The following RAPGEF6 variants were observed in gnomAD, a reference collection of about 807,000 sequenced individuals.
RAPGEF6 encodes the protein PDZ domain containing guanine nucleotide exchange factor (GEF) 2.
In RAPGEF6, 56 loss-of-function variants were observed where a neutral mutation model predicts 171.4. That is an observed-to-expected ratio of 0.33 (90% CI 0.26 to 0.41). The LOEUF (loss-of-function observed/expected upper bound fraction) is 0.41. RAPGEF6 is among the 10% of genes least tolerant of loss of function. RAPGEF6 has a pLI of 1.00. For synonymous variants in RAPGEF6, 692 were observed against 650.1 expected, an observed-to-expected ratio of 1.06 and a Z score of -0.98; for missense variants, 1,674 against 1,921.4, an observed-to-expected ratio of 0.87 and a Z score of 2.41.
intron 20 of RAPGEF6, 75 bp from the exon 21 acceptor site, chr5:131,453,252 T>A: frequency 1.3e-6 from 2 of 1,487,982 alleles, no homozygotes. Context: ...AAGCTGGTAA[T>A]CTTGAGGGGC....
rs1398993994 is a variant in RAPGEF6 at position 131,547,941 on chromosome 5, CACAT to C, written c.495+102_495+105del. ...TATATATTTACCTGCCCCAAATTTT[CACAT>C]ACAGAGCCCAGCATGTTGATATTAC... is the stretch of plus-strand genomic sequence containing the variant. On this transcript the variant is annotated intron_variant, in intron 6 of 27. Coordinates refer to ENST00000509018, the MANE Select transcript of RAPGEF6 (RefSeq NM_016340.6). The C allele has an allele frequency of 3.8e-5, 48 of 1,259,216 alleles. No homozygotes were observed. In the Middle Eastern group the frequency reaches 1.4e-3, roughly 36 times the overall value. The allele number at this position is 1,259,216 out of a possible 1,614,324, so 78.0% of individuals were successfully genotyped here.
chr5:131,463,188 G>A (rs1253260900), intron 18 of RAPGEF6, among the ~76,000 whole-genome samples: 1 of 152,178 alleles, frequency 6.6e-6, no homozygotes, highest in Non-Finnish European at 1.5e-5. Context: ...GCAAAACAGA[G>A]TTAACTCATT....
At chr5:131,494,928 G>T (rs745567204) in intron 13 of RAPGEF6, among the ~76,000 whole-genome samples, 2 of 152,172 alleles carry the variant, frequency 1.3e-5, no homozygotes, top group Admixed American at 1.3e-4. Context: ...AAGAAAAAGA[G>T]ACTGAGGGTA....
chr5:131,456,784 G>C (rs1753543705), intron 19 of RAPGEF6, among the ~76,000 whole-genome samples: 1 of 152,118 alleles, frequency 6.6e-6, no homozygotes, highest in Non-Finnish European at 1.5e-5. Context: ...TGACTTTAAG[G>C]CATGGAGTTA....
Position 131,469,872 on chromosome 5 carries a change from G to C in RAPGEF6, c.2239+2715C>G, listed in dbSNP as rs1170156644. On this transcript the variant is annotated intron_variant, in intron 17 of 27. Coordinates refer to ENST00000509018, the MANE Select transcript of RAPGEF6 (RefSeq NM_016340.6). ...GTAAGCAATCAAAAACAAACTTACA[G>C]TTCTGTAGCTTTGCCCCCACTTTCA... 2.0e-5 allele frequency: 28 copies of C among 1,386,096 alleles called. No homozygotes were observed. The East Asian group carries it at 6.0e-4, about 30-fold the overall frequency. The allele number at this position is 1,386,096 out of a possible 1,614,324, so 85.9% of individuals were successfully genotyped here.
At chr5:131,486,113 G>A (rs948566871) in intron 15 of RAPGEF6, among the ~76,000 whole-genome samples, 4 of 152,218 alleles carry the variant, frequency 2.6e-5, no homozygotes, top group Admixed American at 2.6e-4. Context: ...CCACTTCAGA[G>A]AGAGGTTTTC....
At chr5:131,531,262 A>G (rs565349362) in intron 6 of RAPGEF6, among the ~76,000 whole-genome samples, 1 of 152,340 alleles carries the variant, frequency 6.6e-6, no homozygotes, top group South Asian at 2.1e-4. Context: ...TGTATGCAAG[A>G]GAACCATAAA....
In RAPGEF6 at chr5:131,617,311, A is replaced by C. The variant is rs986884932; in HGVS notation, c.70-12618T>G. 1.8e-3 allele frequency among the ~76,000 whole-genome samples: 280 copies of C among 152,148 alleles called. 1 individual carries two copies. Among genetic ancestry groups the C allele is most frequent in the South Asian group, 4.8e-3 (23 of 4,808 alleles). On this transcript the variant is annotated intron_variant, in intron 1 of 27. Transcript: ENST00000509018. ...ACAGCACCACACACACACACACAAA[A>C]AAAAACCCAATTTGGACTCTGGAGA...
At chr5:131,613,821 C>T (rs1765093928) in intron 1 of RAPGEF6, among the ~76,000 whole-genome samples, 1 of 152,084 alleles carries the variant, frequency 6.6e-6, no homozygotes, top group Non-Finnish European at 1.5e-5. Context: ...TCCAACCTCC[C>T]ATACAACAAA....
chr5:131,487,912 T>TTACAAATATTC (rs1437070056), intron 15 of RAPGEF6, among the ~76,000 whole-genome samples: 1 of 152,196 alleles, frequency 6.6e-6, no homozygotes, highest in Non-Finnish European at 1.5e-5. Context: ...TACAAATATT[T>TTACAAATATTC]TACAAATATT....
intron 13 of RAPGEF6, 68 bp downstream of exon 13, chr5:131,495,485 T>G: frequency 1.7e-6 from 2 of 1,178,516 alleles, no homozygotes; most frequent in Non-Finnish European, 1.2e-6. Flanking sequence ...GCTATTGCTG[T>G]TCTGAGTTTG....
chr5:131,492,651 A>G lies in RAPGEF6; in HGVS notation c.1662T>C (p.Phe554=). 6.2e-7 allele frequency: 1 copy of G among 1,614,176 alleles called. No individual in the cohort carries two copies. Among genetic ancestry groups the G allele is most frequent in the Non-Finnish European group, 8.5e-7 (1 of 1,180,030 alleles). ...FSLNGGSEKG[F]GIFVEGVEPG... The stretch of plus-strand genomic sequence containing the variant: ...GTTCTACTCCTTCAACAAAAATACC[A>G]AATCCCTTCTCACTCCCTCCATTAA... The change falls in exon 14 of 28, where the codon TTT becomes TTC. Residue 554 remains phenylalanine, a synonymous_variant. Coordinates refer to ENST00000509018, the MANE Select transcript of RAPGEF6 (RefSeq NM_016340.6).
intron 16 of RAPGEF6, among the ~76,000 whole-genome samples, chr5:131,475,083 A>G (rs1000853188): frequency 2.6e-5 from 4 of 152,242 alleles, no homozygotes; most frequent in African/African-American, 9.6e-5. Context: ...TGAATGCTCA[A>G]TAGAGAAAAC....
At chr5:131,463,433 G>A (rs1433057640) in intron 18 of RAPGEF6, among the ~76,000 whole-genome samples, 2 of 151,934 alleles carry the variant, frequency 1.3e-5, no homozygotes, top group Admixed American at 6.6e-5. Flanking sequence ...ACAAAAATTC[G>A]CCAGGCATGG....
chr5:131,489,788 G>T, intron 14 of RAPGEF6, 134 bp from the exon 15 acceptor site: 1 of 475,424 alleles, frequency 2.1e-6, no homozygotes, highest in South Asian at 4.4e-5. Context: ...AGTTATCTCT[G>T]TGAGAAGCTG....
chr5:131,505,374 T>A lies in RAPGEF6; in HGVS notation c.1091A>T (p.Asp364Val). The change falls in exon 10 of 28, where the codon GAT (aspartate) becomes GTT (valine). Residue 364 changes from aspartate to valine, a missense_variant. By Grantham distance (152) the Asp-to-Val change is radical. Transcript: ENST00000509018. Reference protein sequence around the residue: ...YMHGIVRTKVDDCQFVCIAQQ... With the variant: ...YMHGIVRTKVVDCQFVCIAQQ... ...AAGAGATAATCTTACCTGACAATCATCTACTTTAGTCCTGACAATTCCATG... is the reference window on the plus strand; with the variant it reads ...AAGAGATAATCTTACCTGACAATCAACTACTTTAGTCCTGACAATTCCATG... 6.2e-7 allele frequency: 1 copy of A among 1,613,486 alleles called. No individual in the cohort carries two copies. The highest frequency in any genetic ancestry group is 1.7e-4 in the Middle Eastern group (1 of 6,058).
intron 21 of RAPGEF6, among the ~76,000 whole-genome samples, chr5:131,449,497 C>A (rs945768554): frequency 2.0e-5 from 3 of 152,052 alleles, no homozygotes; most frequent in Admixed American, 2.0e-4. Context: ...ATCTTTCATT[C>A]ATTTTTATAT....
In RAPGEF6 at chr5:131,457,767, T is replaced by C. The variant is rs78395860; in HGVS notation, c.2865-1755A>G. On this transcript the variant is annotated intron_variant, in intron 19 of 27. Coordinates refer to ENST00000509018, the MANE Select transcript of RAPGEF6 (RefSeq NM_016340.6). ...GGATTTTGCTATCTGTGAGGAGCCA[T>C]GGAACGAATGCCCCACAGATACTGA... Among the ~76,000 whole-genome samples, 40 of 152,272 alleles carry C rather than the reference T, an allele frequency of 2.6e-4. No individual in the cohort carries two copies. The East Asian group carries it at 6.6e-3, about 25-fold the overall frequency.
At chr5:131,548,584 A>G (rs1760706179) in intron 5 of RAPGEF6, among the ~76,000 whole-genome samples, 1 of 152,260 alleles carries the variant, frequency 6.6e-6, no homozygotes, top group Non-Finnish European at 1.5e-5. Flanking sequence ...GTTAATTGTT[A>G]AAAAGTAAAA....
Sources: allele counts gnomAD v4.1 joint callset (sites outside exome capture counted in the v4.1 genomes callset), GRCh38; gene constraint gnomAD v4.1.1; transcripts MANE v1.5; gene names NCBI Gene and HGNC (gene_info 2026-07-23, HGNC 2026-07-21).